ZNF526: variants seen among roughly 807,000 people sequenced by gnomAD.
ZNF526 encodes zinc finger protein 526.
Under a neutral mutation model 32.4 loss-of-function variants are expected in ZNF526, and 16 were observed. The observed-to-expected ratio is 0.49, with a 90% confidence interval of 0.33 to 0.75. ZNF526 has a LOEUF of 0.75. Ranked by LOEUF, ZNF526 falls within the 30% of genes least tolerant of loss-of-function variation. The probability of loss-of-function intolerance (pLI) is 0.02; values close to 1 mark genes in which losing one functional copy is unlikely to be tolerated. For synonymous variants in ZNF526, 355 were observed against 363.4 expected (o/e 0.98, Z 0.26); for missense variants, 838 against 920.7 (o/e 0.91, Z 1.16).
intron 1 of ZNF526, among the ~76,000 whole-genome samples, chr19:42,223,301 G>T (rs2036139952): frequency 1.3e-5 from 2 of 152,206 alleles, no homozygotes; most frequent in Non-Finnish European, 2.9e-5. Context: ...GAGGGCAAGA[G>T]ATCGAGACCA....
At chr19:42,224,147 A>C (rs1397895295) in intron 1 of ZNF526, 68 bp from the exon 2 acceptor site, 4 of 468,636 alleles carry the variant, frequency 8.5e-6, no homozygotes, top group Non-Finnish European at 1.6e-5. Context: ...TGACAGACCA[A>C]GTCTCTGTCT....
chr19:42,220,973 G>A (rs2036116495), intron 1 of ZNF526, among the ~76,000 whole-genome samples: 1 of 152,176 alleles, frequency 6.6e-6, no homozygotes, highest in African/African-American at 2.4e-5. Context: ...AAGGTCCTTT[G>A]TGGAATGGCT....
At position 42,225,275 on chromosome 19, in the gene ZNF526, A is replaced by G; in HGVS notation, c.872A>G (p.His291Arg). 12 of 1,612,948 alleles carry G rather than the reference A, an allele frequency of 7.4e-6. No homozygotes were observed. Among genetic ancestry groups the G allele is most frequent in the Non-Finnish European group, 1.0e-5 (12 of 1,179,262 alleles). The change falls in exon 3 of 3, where the codon CAC becomes CGC. Residue 291 changes from histidine to arginine, a missense_variant. Coordinates refer to ENST00000301215, the MANE Select transcript of ZNF526 (RefSeq NM_133444.3). ...HQPSAGARRQ[H>R]RRTAHSPASA... ...CCCTCAGCAGGGGCTCGCCGGCAAC[A>G]CCGGCGGACGGCTCACAGCCCGGCA...
At position 42,226,050 on chromosome 19, in the gene ZNF526, G is replaced by A. The variant is rs2036176098; in HGVS notation, c.1647G>A (p.Leu549=). The change falls in exon 3 of 3, where the codon TTG becomes TTA. Residue 549 remains leucine, a synonymous_variant. Coordinates refer to ENST00000301215, the MANE Select transcript of ZNF526 (RefSeq NM_133444.3). ...CCAACCTGCAGCAGCACCGGCGGTT[G>A]CACTTGCGGCCAGTCGCCTTTGCCC... The part of the protein sequence containing the change: ...QSSNLQQHRR[L]HLRPVAFARA... The A allele has an allele frequency of 1.9e-6, 3 of 1,610,908 alleles. No individual in the cohort carries two copies. Among genetic ancestry groups the A allele is most frequent in the African/African-American group, 2.7e-5 (2 of 75,068 alleles).
chr19:42,226,689 T>G lies in ZNF526; in HGVS notation c.*273T>G, dbSNP rs1365466689. 3 of 557,746 alleles carry G rather than the reference T, an allele frequency of 5.4e-6. No homozygotes were observed. In the African/African-American group the frequency reaches 5.7e-5, roughly 11 times the overall value. 34.5% of individuals were successfully genotyped at this position (557,746 alleles called of 1,614,324 possible). On this transcript the variant is annotated 3_prime_UTR_variant, in exon 3 of 3. Coordinates refer to ENST00000301215, the MANE Select transcript of ZNF526 (RefSeq NM_133444.3). ...GCAAAGTGGGTTGGCCAAGGCCCTT[T>G]GCACTGCATCACCCTGGTGCCCAGC...
intron 1 of ZNF526, among the ~76,000 whole-genome samples, chr19:42,221,090 T>C (rs551977951): frequency 6.6e-6 from 1 of 152,338 alleles, no homozygotes; most frequent in East Asian, 1.9e-4. Flanking sequence ...TCAAGGAGTA[T>C]GTATTGGGCA....
rs969435221 is a variant in ZNF526 at position 42,224,901 on chromosome 19, T to C, written c.498T>C (p.Ala166=). ...ATCGAAAGGCCCAGCACCTTTCTGC[T>C]ACGGTAGCTGAGCCACCAGTGCCAC... is the stretch of plus-strand genomic sequence containing the variant. ...VAHRKAQHLS[A]TVAEPPVPPP... Residue 166 remains alanine, a synonymous_variant, in exon 3 of 3, where the codon GCT becomes GCC. Transcript: ENST00000301215. 1 of 1,614,110 alleles carries C rather than the reference T, an allele frequency of 6.2e-7. No homozygotes were observed. The highest frequency in any genetic ancestry group is 8.5e-7 in the Non-Finnish European group (1 of 1,180,002).
rs1201644078 is a variant in ZNF526 at position 42,225,630 on chromosome 19, C to T, written c.1227C>T (p.His409=). Residue 409 remains histidine, a synonymous_variant, in exon 3 of 3, where the codon CAC becomes CAT. Transcript: ENST00000301215. ...MTKFLYHRRT[H]AGKSGAPPTG... The stretch of plus-strand genomic sequence containing the variant: ...AGTTCCTCTACCACCGGCGCACTCA[C>T]GCCGGCAAAAGCGGGGCACCTCCCA... 7.4e-6 allele frequency: 12 copies of T among 1,612,114 alleles called. No individual in the cohort carries two copies. The highest frequency in any genetic ancestry group is 5.0e-5 in the Admixed American group (3 of 59,936).
intron 1 of ZNF526, among the ~76,000 whole-genome samples, chr19:42,220,938 G>A (rs1281411621): frequency 6.6e-6 from 1 of 152,120 alleles, no homozygotes; most frequent in Non-Finnish European, 1.5e-5. Context: ...TGGAACTCTC[G>A]GGCCCCTGGT....
In ZNF526 at chr19:42,224,878, C is replaced by T. The variant is rs2036157816; in HGVS notation, c.475C>T (p.Arg159Ter). The T allele has an allele frequency of 1.9e-6, 3 of 1,614,080 alleles. No homozygotes were observed. The highest frequency in any genetic ancestry group is 2.5e-6 in the Non-Finnish European group (3 of 1,180,024). Residue 159 changes from arginine to a stop codon, truncating the protein, a stop_gained, in exon 3 of 3, where the codon CGA (arginine) becomes TGA (stop). Coordinates refer to ENST00000301215, the MANE Select transcript of ZNF526 (RefSeq NM_133444.3). LOFTEE classifies it high-confidence loss of function. ...FPSPELWVAH[R>*]KAQHLSATVA... ...CTCGCCCGAGCTGTGGGTGGCTCAT[C>T]GAAAGGCCCAGCACCTTTCTGCTAC...
In ZNF526 at chr19:42,225,537, C is replaced by T; in HGVS notation, c.1134C>T (p.His378=). ...GCACAGAACTCACGTTGGTGGCTCA[C>T]CGGCGGGCCCACACTGCCAACCCAT... The part of the protein sequence containing the change: ...GFGTELTLVA[H]RRAHTANPLH... Residue 378 remains histidine, a synonymous_variant, in exon 3 of 3, where the codon CAC becomes CAT. Coordinates refer to ENST00000301215, the MANE Select transcript of ZNF526 (RefSeq NM_133444.3). The T allele has an allele frequency of 6.2e-7, 1 of 1,611,678 alleles. No individual in the cohort carries two copies. Among genetic ancestry groups the T allele is most frequent in the Non-Finnish European group, 8.5e-7 (1 of 1,178,058 alleles).
chr19:42,221,996 G>A (rs546436144), intron 1 of ZNF526, among the ~76,000 whole-genome samples: 2 of 152,110 alleles, frequency 1.3e-5, no homozygotes, highest in Non-Finnish European at 2.9e-5. Context: ...AATATGTACT[G>A]TGTGCTAGAC....
At position 42,226,410 on chromosome 19, in the gene ZNF526, C is replaced by T. The variant is rs1181649560; in HGVS notation, c.2007C>T (p.Phe669=). 19 of 1,614,102 alleles carry T rather than the reference C, an allele frequency of 1.2e-5. No homozygotes were observed. In the Admixed American group the frequency reaches 1.8e-4, roughly 16 times the overall value. Residue 669 remains phenylalanine, a synonymous_variant, in exon 3 of 3, where the codon TTC becomes TTT. Coordinates refer to ENST00000301215, the MANE Select transcript of ZNF526 (RefSeq NM_133444.3). ...AGGLLQLDTA[F]V ...GGCTCTTGCAGTTGGACACGGCCTT[C>T]GTGTGACGCAGCTGAAAAGCAACAA...
rs760379707 is a variant in ZNF526, at chr19:42,225,374, G to A, written c.971G>A (p.Gly324Glu). The A allele has an allele frequency of 6.2e-7, 1 of 1,614,018 alleles. No homozygotes were observed. Among genetic ancestry groups the A allele is most frequent in the Non-Finnish European group, 8.5e-7 (1 of 1,180,026 alleles). Residue 324 changes from glycine to glutamate, a missense_variant, in exon 3 of 3, where the codon GGG becomes GAG. Physicochemically the swap from Gly to Glu is moderately conservative, Grantham distance 98. Coordinates refer to ENST00000301215, the MANE Select transcript of ZNF526 (RefSeq NM_133444.3). Reference sequence around the variant, plus strand: ...TCCGCCAACCGGCTGCAGGCTCATGGGCGGGCCCATGTTGGTGGCACACAT... The same window carrying A: ...TCCGCCAACCGGCTGCAGGCTCATGAGCGGGCCCATGTTGGTGGCACACAT... ...FSSANRLQAHGRAHVGGTHEC... is the reference protein window; with the variant it reads ...FSSANRLQAHERAHVGGTHEC...
chr19:42,223,458 G>A (rs999258052), intron 1 of ZNF526, among the ~76,000 whole-genome samples: 1 of 152,104 alleles, frequency 6.6e-6, no homozygotes, highest in Admixed American at 6.5e-5. Flanking sequence ...TGGCTAACAC[G>A]GTGAAACCCT....
chr19:42,226,994 A>C lies in ZNF526; in HGVS notation c.*578A>C. ...GAGCAAGTCAGCACAGGCTCTGCCC[A>C]CAGGAGGCATGCACAATCTGGTAGG... On this transcript the variant is annotated 3_prime_UTR_variant, in exon 3 of 3. Transcript: ENST00000301215. The C allele has an allele frequency of 4.9e-6, 1 of 203,860 alleles. No individual in the cohort carries two copies. The highest frequency in any genetic ancestry group is 5.3e-5 in the Admixed American group (1 of 18,880). 12.6% of individuals were successfully genotyped at this position (203,860 alleles called of 1,614,324 possible). A position where few individuals can be genotyped will look rare whatever the true frequency, so the allele number is the denominator to read the frequency against.
rs2146932558 is a variant in ZNF526, at chr19:42,227,792, G to T, written c.*1376G>T. 1 of 152,236 alleles carries T rather than the reference G, an allele frequency of 6.6e-6. No individual in the cohort carries two copies. The highest frequency in any genetic ancestry group is 1.5e-5 in the Non-Finnish European group (1 of 68,038). 9.4% of individuals were successfully genotyped at this position (152,236 alleles called of 1,614,324 possible). ...ATAAAAATAAAAATAAACTGGCCAG[G>T]TGCGGTGGCTCACGCTTGCAATCCC... is the stretch of plus-strand genomic sequence containing the variant. On this transcript the variant is annotated 3_prime_UTR_variant, in exon 3 of 3. Coordinates refer to ENST00000301215, the MANE Select transcript of ZNF526 (RefSeq NM_133444.3).
chr19:42,226,424 G>A lies in ZNF526; in HGVS notation c.*8G>A. On this transcript the variant is annotated 3_prime_UTR_variant, in exon 3 of 3. Coordinates refer to ENST00000301215, the MANE Select transcript of ZNF526 (RefSeq NM_133444.3). ...GACACGGCCTTCGTGTGACGCAGCT[G>A]AAAAGCAACAACAAAAGGGTTTGGT... The A allele has an allele frequency of 6.2e-7, 1 of 1,614,164 alleles. No homozygotes were observed. Among genetic ancestry groups the A allele is most frequent in the Non-Finnish European group, 8.5e-7 (1 of 1,180,032 alleles).
intron 1 of ZNF526, among the ~76,000 whole-genome samples, chr19:42,221,172 G>A (rs2036119023): frequency 6.6e-6 from 1 of 152,180 alleles, no homozygotes; most frequent in Admixed American, 6.5e-5. Context: ...AAGTTGGTCT[G>A]GTAGAAATGG....
Sources: gnomAD v4.1 joint callset for allele counts (sites outside exome capture counted in the v4.1 genomes callset) on GRCh38, gnomAD v4.1.1 for gene constraint, MANE v1.5 for transcripts, NCBI Gene and HGNC (gene_info 2026-07-23, HGNC 2026-07-21) for gene names.